PCM1: variants seen among roughly 807,000 people sequenced by gnomAD.
PCM1 encodes pericentriolar material 1 protein.
A neutral mutation model predicts 241.9 loss-of-function variants in PCM1; 157 were observed. The observed-to-expected ratio is 0.65, with a 90% CI of 0.57 to 0.74. The LOEUF (loss-of-function observed/expected upper bound fraction) is 0.74, where lower values mean the gene tolerates loss of function less well. Among genes scored for constraint, PCM1 ranks in the 30% least tolerant of loss-of-function variants. The pLI is 0.00. For synonymous variants in PCM1, 1,085 were observed against 784.9 expected (o/e 1.38, Z -6.39); for missense variants, 3,478 against 2,360.1 (o/e 1.47, Z -9.81).
Position 18,011,301 on chromosome 8 carries a change from A to G in PCM1, c.5285A>G (p.Asn1762Ser), listed in dbSNP as rs2092464392. ...TCTGAGGTGTATGATGGTCCCAAAA[A>G]TGTAAGATCTGATATTTCTGATCAA... is the stretch of plus-strand genomic sequence containing the variant. The part of the protein sequence containing the change: ...QTSEVYDGPK[N>S]VRSDISDQEE... Residue 1762 changes from asparagine to serine, a missense_variant, in exon 33 of 39, where the codon AAT (asparagine) becomes AGT (serine). Transcript: ENST00000325083. 6.2e-7 allele frequency: 1 copy of G among 1,608,144 alleles called. No individual in the cohort carries two copies. Among genetic ancestry groups the G allele is most frequent in the African/African-American group, 1.3e-5 (1 of 74,950 alleles).
Position 17,947,234 on chromosome 8 carries a change from AAAC to A in PCM1, c.837_839del (p.Gln279del). On this transcript the variant is annotated inframe_deletion, in exon 7 of 39. Transcript: ENST00000325083. ...TATGGAAGAGATAGAAAATTTGAAG[AAAC>A]AACATGATTTATTAAAAAGAATGTT... The A allele has an allele frequency of 6.2e-7, 1 of 1,611,276 alleles. No individual in the cohort carries two copies. Among genetic ancestry groups the A allele is most frequent in the Non-Finnish European group, 8.5e-7 (1 of 1,177,854 alleles).
chr8:18,005,984 A>G (rs2091194553), intron 29 of PCM1: 2 of 292,942 alleles, frequency 6.8e-6, no homozygotes, highest in Admixed American at 4.8e-5. Context: ...AAGGTACAGA[A>G]AAGTACAGAA....
chr8:17,947,351 A>T lies in PCM1; in HGVS notation c.949A>T (p.Met317Leu). Reference sequence around the variant, plus strand: ...TAAAGCAGAGCAAGCTATTGCAGTGATGGATGATTCTGGTATGTCACAGTC... The same window carrying T: ...TAAAGCAGAGCAAGCTATTGCAGTGTTGGATGATTCTGGTATGTCACAGTC... ...QHKAEQAIAV[M>L]DDSVVAETAG... The change falls in exon 7 of 39, where the codon ATG becomes TTG. Residue 317 changes from methionine to leucine, a missense_variant. Transcript: ENST00000325083. 1 of 1,592,914 alleles carries T rather than the reference A, an allele frequency of 6.3e-7. No individual in the cohort carries two copies. Among genetic ancestry groups the T allele is most frequent in the Non-Finnish European group, 8.5e-7 (1 of 1,170,846 alleles).
chr8:17,947,248 A>G lies in PCM1; in HGVS notation c.846A>G (p.Leu282=), dbSNP rs756870298. The change falls in exon 7 of 39, where the codon TTA becomes TTG. Residue 282 remains leucine (L), a synonymous_variant. Coordinates refer to ENST00000325083, the MANE Select transcript of PCM1 (RefSeq NM_006197.4). ...AAAATTTGAAGAAACAACATGATTT[A>G]TTAAAAAGAATGTTACAACAGCAGG... The part of the protein sequence containing the change: ...EIENLKKQHD[L]LKRMLQQQEQ... 18 of 1,609,666 alleles carry G rather than the reference A, an allele frequency of 1.1e-5. No individual in the cohort carries two copies. The highest frequency in any genetic ancestry group is 2.7e-5 in the African/African-American group (2 of 74,850).
rs901152287 is a variant in PCM1 at position 18,028,032 on chromosome 8, T to A, written c.*370T>A. The stretch of plus-strand genomic sequence containing the variant: ...AGCAAGTCAATGTTTTATATAACTT[T>A]AGGCTGCTCAGAGAAGAGCAATGGT... On this transcript the variant is annotated 3_prime_UTR_variant, in exon 39 of 39. Coordinates refer to ENST00000325083, the MANE Select transcript of PCM1 (RefSeq NM_006197.4). 1 of 229,314 alleles carries A rather than the reference T, an allele frequency of 4.4e-6. No homozygotes were observed. Among genetic ancestry groups the A allele is most frequent in the African/African-American group, 2.2e-5 (1 of 45,148 alleles). 14.2% of individuals were successfully genotyped at this position (229,314 alleles called of 1,614,324 possible).
In PCM1 at chr8:18,028,394, C is replaced by T. The variant is rs2094364655; in HGVS notation, c.*732C>T. On this transcript the variant is annotated 3_prime_UTR_variant, in exon 39 of 39. Coordinates refer to ENST00000325083, the MANE Select transcript of PCM1 (RefSeq NM_006197.4). ...TCAGACTAAAAGTAAAAAAAATAAG[C>T]TTTATATAATTAGGGAGATTTCTGC... The T allele has an allele frequency of 5.2e-6, 1 of 193,442 alleles. No individual in the cohort carries two copies. Among genetic ancestry groups the T allele is most frequent in the Admixed American group, 6.1e-5 (1 of 16,398 alleles). 12.0% of individuals were successfully genotyped at this position (193,442 alleles called of 1,614,324 possible). A position where few individuals can be genotyped will look rare whatever the true frequency, so the allele number is the denominator to read the frequency against.
intron 2 of PCM1, chr8:17,926,183 G>A (rs1446514736): frequency 6.6e-6 from 1 of 152,052 alleles, no homozygotes; most frequent in Non-Finnish European, 1.5e-5. Flanking sequence ...AGCACATTGG[G>A]GAAGATGATG....
At position 18,011,145 on chromosome 8, in the gene PCM1, A is replaced by T. The variant is rs552556663; in HGVS notation, c.5221-92A>T. On this transcript the variant is annotated intron_variant, in intron 32 of 38. Transcript: ENST00000325083. ...AAAATGGTTCTTTGTATTTTTTATT[A>T]GATAATGATCATTATTAATACGATA... 3.4e-4 allele frequency: 265 copies of T among 786,864 alleles called. 2 individuals are homozygous for T. The African/African-American group carries it at 4.2e-3, about 12-fold the overall frequency. 48.7% of individuals were successfully genotyped at this position (786,864 alleles called of 1,614,324 possible).
At chr8:17,990,989 C>T (rs1293994386) in intron 27 of PCM1, among the ~76,000 whole-genome samples, 1 of 151,988 alleles carries the variant, frequency 6.6e-6, no homozygotes, top group African/African-American at 2.4e-5. Context: ...GGTTGTCCCT[C>T]TCTTTCTGAG....
At position 17,991,644 on chromosome 8, in the gene PCM1, G is replaced by A. The variant is rs781362296; in HGVS notation, c.4634G>A (p.Arg1545Lys). ...AACTCAAATATGAGATGCACCTGCA[G>A]GATTATTGAGGATGGAGATGGTGCT... ...ESNSNMRCTCRIIEDGDGAGA... is the reference protein window; with the variant it reads ...ESNSNMRCTCKIIEDGDGAGA... Residue 1545 changes from arginine (R) to lysine (K), a missense_variant, in exon 28 of 39, where the codon AGG becomes AAG. Arg to Lys is a conservative substitution (Grantham distance 26, BLOSUM62 2). Coordinates refer to ENST00000325083, the MANE Select transcript of PCM1 (RefSeq NM_006197.4). 4 of 1,566,854 alleles carry A rather than the reference G, an allele frequency of 2.6e-6. No individual in the cohort carries two copies. Among genetic ancestry groups the A allele is most frequent in the Non-Finnish European group, 2.6e-6 (3 of 1,154,922 alleles).
At chr8:17,933,207 C>T (rs750211978) in intron 2 of PCM1, among the ~76,000 whole-genome samples, 2 of 152,136 alleles carry the variant, frequency 1.3e-5, no homozygotes, top group African/African-American at 4.8e-5. Flanking sequence ...AAATAAAATG[C>T]GTTAGCTGTT....
At position 17,978,473 on chromosome 8, in the gene PCM1, T is replaced by C. The variant is rs552530938; in HGVS notation, c.3944-2118T>C. ...AAAGTAAAAATCCTCTAAGCTTCCA[T>C]ATGAAAGACCAAGTTGCATACAAAG... On this transcript the variant is annotated intron_variant, in intron 23 of 38. Transcript: ENST00000325083. Among the ~76,000 whole-genome samples the C allele has an allele frequency of 3.3e-5, 5 of 151,988 alleles. No individual in the cohort carries two copies. In the South Asian group the frequency reaches 1.0e-3, roughly 32 times the overall value.
intron 26 of PCM1, among the ~76,000 whole-genome samples, chr8:17,986,501 A>C (rs1195218889): frequency 6.6e-6 from 1 of 151,182 alleles, no homozygotes; most frequent in Admixed American, 6.6e-5. Context: ...AAAAGCCTAG[A>C]CAAAAGTCTT....
intron 36 of PCM1, among the ~76,000 whole-genome samples, chr8:18,023,941 T>G (rs2093962615): frequency 6.6e-6 from 1 of 152,180 alleles, no homozygotes; most frequent in Non-Finnish European, 1.5e-5. Context: ...TACAGGATAA[T>G]GCTACTCCAT....
chr8:17,923,414 G>A (rs1055283338), intron 1 of PCM1, among the ~76,000 whole-genome samples: 1 of 152,192 alleles, frequency 6.6e-6, no homozygotes, highest in Admixed American at 6.5e-5. Context: ...ACCTCGCGAC[G>A]CGTTGGTGAT....
chr8:17,932,257 C>T (rs1015074247), intron 2 of PCM1, among the ~76,000 whole-genome samples: 1 of 152,070 alleles, frequency 6.6e-6, no homozygotes, highest in African/African-American at 2.4e-5. Context: ...CATTATAGTT[C>T]TTTCCACCAT....
chr8:18,028,918 G>A lies in PCM1; in HGVS notation c.*1256G>A, dbSNP rs141215979. On this transcript the variant is annotated 3_prime_UTR_variant, in exon 39 of 39. Coordinates refer to ENST00000325083, the MANE Select transcript of PCM1 (RefSeq NM_006197.4). ...TGTAATCCCAGCACCTTGGGAGGCCGAGGCGGGCAGATCACGAGGTCAAGA... is the reference window on the plus strand; with the variant it reads ...TGTAATCCCAGCACCTTGGGAGGCCAAGGCGGGCAGATCACGAGGTCAAGA... 0.022 allele frequency: 3,903 copies of A among 181,016 alleles called. 158 individuals carry two copies. Among genetic ancestry groups the A allele is most frequent in the African/African-American group, 0.087 (3,689 of 42,506 alleles). 11.2% of individuals were successfully genotyped at this position (181,016 alleles called of 1,614,324 possible).
chr8:17,941,426 A>T (rs2061998494), intron 6 of PCM1, among the ~76,000 whole-genome samples: 1 of 152,122 alleles, frequency 6.6e-6, no homozygotes, highest in South Asian at 2.1e-4. Flanking sequence ...ATTCCGCAGG[A>T]TGTGGTACTT....
At chr8:17,994,585 C>G (rs2085920175) in intron 29 of PCM1, among the ~76,000 whole-genome samples, 2 of 152,094 alleles carry the variant, frequency 1.3e-5, no homozygotes, top group Admixed American at 6.6e-5. Flanking sequence ...GTAGCTCTTG[C>G]TGTATTTTCA....
Sources: gnomAD v4.1 joint callset for allele counts (sites outside exome capture counted in the v4.1 genomes callset) on GRCh38, gnomAD v4.1.1 for gene constraint, MANE v1.5 for transcripts, NCBI Gene and HGNC (gene_info 2026-07-23, HGNC 2026-07-21) for gene names.